Variants in PARD3B observed in about 807,000 individuals in gnomAD.
The protein encoded by PARD3B is par-3 family cell polarity regulator beta, also known as partitioning defective 3 homolog B.
In PARD3B, 103 loss-of-function variants were observed where a neutral mutation model predicts 130.2. The ratio of observed to expected loss-of-function variants is 0.79; its 90% CI spans 0.67 to 0.93. The LOEUF (loss-of-function observed/expected upper bound fraction) is 0.93. Ranked by LOEUF, PARD3B falls within the 40% of genes least tolerant of loss-of-function variation. PARD3B has a pLI of 0.00. For missense variants in PARD3B, 1,609 were observed against 1,499.2 expected, an observed-to-expected ratio of 1.07 and a Z score of -1.21; for synonymous variants, 583 against 553.2, an observed-to-expected ratio of 1.05 and a Z score of -0.76.
At chr2:205,182,756 A>G (rs1488351452) in intron 13 of PARD3B, among the ~76,000 whole-genome samples, 5 of 152,314 alleles carry the variant, frequency 3.3e-5, no homozygotes, top group Non-Finnish European at 7.3e-5. Flanking sequence ...TCACTGCACA[A>G]TGAGGTTTGG....
At chr2:204,925,880 A>G (rs918984762) in intron 2 of PARD3B, among the ~76,000 whole-genome samples, 2 of 151,762 alleles carry the variant, frequency 1.3e-5, no homozygotes, top group African/African-American at 4.8e-5. Context: ...GTGAATTCTC[A>G]TGAGATCTGA....
intron 4 of PARD3B, among the ~76,000 whole-genome samples, chr2:205,065,721 C>T (rs1308210414): frequency 3.9e-5 from 6 of 152,070 alleles, no homozygotes; most frequent in Admixed American, 3.3e-4. Flanking sequence ...GTTATAAAGC[C>T]AGGATGCCCA....
At chr2:205,036,609 A>G (rs1184871451) in intron 3 of PARD3B, among the ~76,000 whole-genome samples, 2 of 149,282 alleles carry the variant, frequency 1.3e-5, no homozygotes, top group Non-Finnish European at 3.0e-5. Flanking sequence ...TATGTACAAA[A>G]AATATATATA....
At chr2:205,135,012 A>G (rs575507196) in intron 10 of PARD3B, among the ~76,000 whole-genome samples, 2 of 152,330 alleles carry the variant, frequency 1.3e-5, no homozygotes, top group Admixed American at 6.5e-5. Context: ...GTGAAGAGCT[A>G]TGAGATTTGG....
chr2:205,309,255 T>C lies in PARD3B; in HGVS notation c.2630+7554T>C, dbSNP rs1179944590. On this transcript the variant is annotated intron_variant, in intron 18 of 22. Transcript: ENST00000406610. The surrounding 1 kb of genome is among the most constrained non-coding windows in gnomAD (Gnocchi z 4.7). ...TGAACTTGGTTTACAGGTGATTGGA[T>C]CAACTCTGTTCCTCCTACCTCATCA... is the stretch of plus-strand genomic sequence containing the variant. Among the ~76,000 whole-genome samples, 3 of 152,182 alleles carry C rather than the reference T, an allele frequency of 2.0e-5. No individual in the cohort carries two copies. Among genetic ancestry groups the C allele is most frequent in the Non-Finnish European group, 4.4e-5 (3 of 68,034 alleles).
chr2:204,546,133 G>A lies in PARD3B; in HGVS notation c.120+14G>A, dbSNP rs767595800. ...ACCCGGGAGAAGGTGAGCGCGGCGC[G>A]GAGGAGTGGGGCGCGGCTGCAGCCA... On this transcript the variant is annotated intron_variant, in intron 1 of 22. Coordinates refer to ENST00000406610, the MANE Select transcript of PARD3B (RefSeq NM_001302769.2). 4.5e-6 allele frequency: 7 copies of A among 1,551,420 alleles called. No individual in the cohort carries two copies. The highest frequency in any genetic ancestry group is 5.2e-6 in the Non-Finnish European group (6 of 1,147,840).
chr2:205,301,326 G>A lies in PARD3B; in HGVS notation c.2393-138G>A. ...GATTTAGGCAGTCAGATCTTCAAAG[G>A]GCGCACGTAACCACATAGAAGGGTA... On this transcript the variant is annotated intron_variant, in intron 17 of 22. Coordinates refer to ENST00000406610, the MANE Select transcript of PARD3B (RefSeq NM_001302769.2). This position sits in a 1 kb window ranked among gnomAD's most constrained non-coding sequence, Gnocchi z 5.2. The A allele has an allele frequency of 1.4e-6, 2 of 1,407,136 alleles. No individual in the cohort carries two copies. Among genetic ancestry groups the A allele is most frequent in the South Asian group, 1.5e-5 (1 of 65,594 alleles). 87.2% of individuals were successfully genotyped at this position (1,407,136 alleles called of 1,614,324 possible).
At chr2:204,873,311 A>G (rs1285036804) in intron 2 of PARD3B, among the ~76,000 whole-genome samples, 1 of 152,154 alleles carries the variant, frequency 6.6e-6, no homozygotes, top group Non-Finnish European at 1.5e-5. Context: ...CACAACAGTA[A>G]TATATGGCGA....
chr2:205,142,628 C>T lies in PARD3B; in HGVS notation c.1435-16094C>T, dbSNP rs1559480265. On this transcript the variant is annotated intron_variant, in intron 10 of 22. Coordinates refer to ENST00000406610, the MANE Select transcript of PARD3B (RefSeq NM_001302769.2). This position sits in a 1 kb window ranked among gnomAD's most constrained non-coding sequence, Gnocchi z 4.3. ...GGCACAGTGGCTCACGCCTGTAATC[C>T]CAACACTTTGGGAGGCCGAGGTGGG... Among the ~76,000 whole-genome samples, 1 of 152,038 alleles carries T rather than the reference C, an allele frequency of 6.6e-6. No individual in the cohort carries two copies. The highest frequency in any genetic ancestry group is 1.5e-5 in the Non-Finnish European group (1 of 68,026).
At chr2:204,638,514 A>G (rs986447190) in intron 1 of PARD3B, among the ~76,000 whole-genome samples, 5 of 152,156 alleles carry the variant, frequency 3.3e-5, no homozygotes, top group African/African-American at 7.2e-5. Context: ...GCCAAGTGTA[A>G]TTTTGTTATT....
chr2:205,340,783 G>T (rs564986104), intron 18 of PARD3B, among the ~76,000 whole-genome samples: 1 of 152,094 alleles, frequency 6.6e-6, no homozygotes, highest in African/African-American at 2.4e-5. Context: ...GGACAGTAAA[G>T]GAAACAATCA....
In PARD3B at chr2:205,116,280, A is replaced by G. The variant is rs1054492071; in HGVS notation, c.681-2641A>G. Among the ~76,000 whole-genome samples, 8 of 152,302 alleles carry G rather than the reference A, an allele frequency of 5.3e-5. No individual in the cohort carries two copies. In the South Asian group the frequency reaches 1.5e-3, roughly 28 times the overall value. On this transcript the variant is annotated intron_variant, in intron 6 of 22. Coordinates refer to ENST00000406610, the MANE Select transcript of PARD3B (RefSeq NM_001302769.2). The surrounding 1 kb of genome is among the most constrained non-coding windows in gnomAD (Gnocchi z 4.5). ...GATGCATAATATGCCTCAGTTTCAT[A>G]GGGAAGACAGCTAAACAGGAGAGAG...
chr2:204,678,864 A>G lies in PARD3B; in HGVS notation c.121-7317A>G, dbSNP rs2036685871. Among the ~76,000 whole-genome samples, 1 of 152,050 alleles carries G rather than the reference A, an allele frequency of 6.6e-6. No homozygotes were observed. Reference sequence around the variant, plus strand: ...AGGGAGCTGCCCTCTTCTATCCAGTATTTCCCTGCCTCCTGTCGGTATCGC... The same window carrying G: ...AGGGAGCTGCCCTCTTCTATCCAGTGTTTCCCTGCCTCCTGTCGGTATCGC... On this transcript the variant is annotated intron_variant, in intron 1 of 22. Coordinates refer to ENST00000406610, the MANE Select transcript of PARD3B (RefSeq NM_001302769.2). This position sits in a 1 kb window ranked among gnomAD's most constrained non-coding sequence, Gnocchi z 4.2.
chr2:204,882,722 A>G (rs1431240127), intron 2 of PARD3B, among the ~76,000 whole-genome samples: 1 of 152,244 alleles, frequency 6.6e-6, no homozygotes, highest in African/African-American at 2.4e-5. Flanking sequence ...CATCACCTGC[A>G]AGCTTATTAG....
At chr2:204,694,104 AGT>A (rs2037496668) in intron 2 of PARD3B, among the ~76,000 whole-genome samples, 1 of 152,080 alleles carries the variant, frequency 6.6e-6, no homozygotes, top group Non-Finnish European at 1.5e-5. Context: ...AGGTTGAAAA[AGT>A]GTGCAGGAAA....
chr2:204,855,162 C>T (rs1344048083), intron 2 of PARD3B, among the ~76,000 whole-genome samples: 2 of 152,160 alleles, frequency 1.3e-5, no homozygotes, highest in Non-Finnish European at 2.9e-5. Context: ...GTTATCCTGT[C>T]TCAGCCTCCC....
intron 10 of PARD3B, among the ~76,000 whole-genome samples, chr2:205,129,343 G>T: frequency 6.6e-6 from 1 of 152,218 alleles, no homozygotes; most frequent in East Asian, 1.9e-4. Context: ...AAGAGGTGAT[G>T]TTTGGCACGT....
chr2:204,746,316 A>C (rs2040226586), intron 2 of PARD3B, among the ~76,000 whole-genome samples: 4 of 151,604 alleles, frequency 2.6e-5, no homozygotes, highest in African/African-American at 4.9e-5. Flanking sequence ...TGAACTCATC[A>C]TTTTTTATGG....
intron 15 of PARD3B, among the ~76,000 whole-genome samples, chr2:205,236,725 C>T (rs1345388524): frequency 6.6e-6 from 1 of 152,146 alleles, no homozygotes; most frequent in Non-Finnish European, 1.5e-5. Context: ...TCAATGGACA[C>T]ATATTAACAG....
Sources: allele counts gnomAD v4.1 joint callset (sites outside exome capture counted in the v4.1 genomes callset), GRCh38; gene constraint gnomAD v4.1.1; non-coding constraint Gnocchi (gnomAD v3.1); transcripts MANE v1.5; gene names NCBI Gene and HGNC (gene_info 2026-07-23, HGNC 2026-07-21).